The following PPID variants were observed in gnomAD, a reference collection of about 807,000 sequenced individuals.
PPID encodes the protein peptidyl-prolyl cis-trans isomerase D.
In PPID, 47 loss-of-function variants were observed where a neutral mutation model predicts 48.1. The ratio of observed to expected loss-of-function variants is 0.98; its 90% CI spans 0.77 to 1.25. PPID has a LOEUF of 1.25. Among genes scored for constraint, PPID ranks in the 50% most tolerant of loss-of-function variants. PPID has a pLI of 0.00. For missense variants in PPID, 429 were observed against 443.5 expected (o/e 0.97, Z 0.29); for synonymous variants, 163 against 148.8 (o/e 1.10, Z -0.69).
At chr4:158,710,063 C>G in intron 9 of PPID, 1 of 497,156 alleles carries the variant, frequency 2.0e-6, no homozygotes, top group Non-Finnish European at 3.5e-6. Flanking sequence ...CATTAGAGAA[C>G]AGTAATTGCT....
At chr4:158,721,519 A>C (rs775600222) in intron 1 of PPID, 36 bp from the exon 2 acceptor site, 5 of 1,596,550 alleles carry the variant, frequency 3.1e-6, no homozygotes, top group East Asian at 2.2e-5. Context: ...TATGCAAAAC[A>C]ACCAAATAGA....
At chr4:158,719,653 T>A (rs1478994789) in intron 2 of PPID, among the ~76,000 whole-genome samples, 1 of 152,218 alleles carries the variant, frequency 6.6e-6, no homozygotes, top group African/African-American at 2.4e-5. Context: ...TCTCCTTAAG[T>A]ACACCAACTG....
Position 158,713,233 on chromosome 4 carries a change from A to G in PPID, c.780T>C (p.Ile260=). ...LRYVDSSKAV[I]ETADRAKLQP... is the part of the protein sequence containing the mutation. ...GCAGCTTGGCTCTATCTGCTGTCTC[A>G]ATAACAGCCTTTGAACTGTCCACGT... The change falls in exon 7 of 10, where the codon ATT becomes ATC. Residue 260 remains isoleucine (I), a synonymous_variant. Transcript: ENST00000307720. 6.2e-7 allele frequency: 1 copy of G among 1,613,884 alleles called. No individual in the cohort carries two copies.
intron 3 of PPID, among the ~76,000 whole-genome samples, chr4:158,717,933 T>C (rs372572993): frequency 2.6e-5 from 4 of 152,236 alleles, no homozygotes; most frequent in Non-Finnish European, 5.9e-5. Context: ...TCTAAATGTA[T>C]TCCTTGTTGG....
In PPID at chr4:158,715,602, T is replaced by C. The variant is rs774351867; in HGVS notation, c.605A>G (p.His202Arg). Reference sequence around the variant, plus strand: ...ATCCGCATCCTCAGGGAAATCTGGATGACTGTCGCCAGAGCCATCTTTTGG... The same window carrying C: ...ATCCGCATCCTCAGGGAAATCTGGACGACTGTCGCCAGAGCCATCTTTTGG... ...IFPKDGSGDS[H>R]PDFPEDADID... Residue 202 changes from histidine to arginine, a missense_variant, in exon 5 of 10, where the codon CAT (histidine) becomes CGT (arginine). By Grantham distance (29) the His-to-Arg change is conservative. Coordinates refer to ENST00000307720, the MANE Select transcript of PPID (RefSeq NM_005038.3). 6.2e-7 allele frequency: 1 copy of C among 1,613,950 alleles called. No individual in the cohort carries two copies. The highest frequency in any genetic ancestry group is 2.2e-5 in the East Asian group (1 of 44,880).
intron 9 of PPID, chr4:158,710,077 C>G (rs905521224): frequency 2.1e-6 from 1 of 471,842 alleles, no homozygotes; most frequent in African/African-American, 2.0e-5. Context: ...AATTGCTTCC[C>G]TTGTTTCATT....
At chr4:158,719,325 G>A (rs1254390079) in intron 2 of PPID, 39 bp from the exon 3 acceptor site, 1 of 1,337,868 alleles carries the variant, frequency 7.5e-7, no homozygotes, top group Admixed American at 1.7e-5. Context: ...ACTGAGACAT[G>A]GATGCCTTTA....
intron 3 of PPID, 119 bp downstream of exon 3, chr4:158,719,061 T>C (rs1218456362): frequency 1.6e-6 from 1 of 623,500 alleles, no homozygotes; most frequent in Non-Finnish European, 2.7e-6. Context: ...GTGATTCCTA[T>C]TACAAGAAAT....
At chr4:158,715,034 A>C (rs1774847504) in intron 6 of PPID, among the ~76,000 whole-genome samples, 1 of 152,240 alleles carries the variant, frequency 6.6e-6, no homozygotes, top group Admixed American at 6.5e-5. Flanking sequence ...TCCTATCAAA[A>C]TAGTTCTGTA....
rs1036076025 is a variant in PPID at position 158,715,812 on chromosome 4, A to G, written c.523-128T>C. ...ATGTGAGAAGGCTCATTTATGTACTATAATGCTGTTTTTATACATTCCAAC... is the reference window on the plus strand; with the variant it reads ...ATGTGAGAAGGCTCATTTATGTACTGTAATGCTGTTTTTATACATTCCAAC... On this transcript the variant is annotated intron_variant, in intron 4 of 9. Coordinates refer to ENST00000307720, the MANE Select transcript of PPID (RefSeq NM_005038.3). The G allele has an allele frequency of 2.5e-5, 26 of 1,026,882 alleles. No individual in the cohort carries two copies. In the African/African-American group the frequency reaches 3.2e-4, roughly 13 times the overall value. 63.6% of individuals were successfully genotyped at this position (1,026,882 alleles called of 1,614,324 possible).
intron 7 of PPID, 150 bp from the exon 8 acceptor site, chr4:158,710,998 C>A (rs190503081): frequency 2.8e-6 from 2 of 702,988 alleles, no homozygotes; most frequent in East Asian, 5.4e-5. Flanking sequence ...TGCCAGTGGG[C>A]ACTAAGTTTT....
intron 2 of PPID, among the ~76,000 whole-genome samples, chr4:158,719,640 T>C (rs151154283): frequency 9.5e-4 from 145 of 152,344 alleles, no homozygotes; most frequent in African/African-American, 3.2e-3. Flanking sequence ...CTTCCAGCAA[T>C]GATCTCCTTA....
At chr4:158,710,968 A>C in intron 7 of PPID, 120 bp from the exon 8 acceptor site, 1 of 872,362 alleles carries the variant, frequency 1.1e-6, no homozygotes, top group South Asian at 1.6e-5. Context: ...TGGAGCTGAA[A>C]CATGCAAATA....
chr4:158,719,530 C>G (rs933594443), intron 2 of PPID, among the ~76,000 whole-genome samples: 1 of 152,156 alleles, frequency 6.6e-6, no homozygotes, highest in East Asian at 1.9e-4. Context: ...TGATACCTCC[C>G]CTATAAAACT....
chr4:158,715,153 AG>A (rs5863331), intron 6 of PPID, 143 bp downstream of exon 6: 624,621 of 625,476 alleles, frequency 1, 311,885 homozygotes, highest in Middle Eastern at 1. Context: ...AAACAAGCTG[AG>A]GGGAAAAAAA....
At chr4:158,721,069 G>C (rs1006387558) in intron 2 of PPID, among the ~76,000 whole-genome samples, 1 of 152,106 alleles carries the variant, frequency 6.6e-6, no homozygotes, top group Admixed American at 6.5e-5. Flanking sequence ...GGTTGACTAC[G>C]GCCTTCCTTT....
At position 158,713,153 on chromosome 4, in the gene PPID, G is replaced by A; in HGVS notation, c.860C>T (p.Ser287Leu). The A allele has an allele frequency of 6.2e-7, 1 of 1,614,010 alleles. No individual in the cohort carries two copies. The highest frequency in any genetic ancestry group is 8.5e-7 in the Non-Finnish European group (1 of 1,179,988). Reference protein sequence around the residue: ...LNIGACKLKMSNWQGAIDSCL... With the variant: ...LNIGACKLKMLNWQGAIDSCL... ...ACTGTCAATTGCTCCCTGCCAATTTGACATCTTCAGTTTACAAGCACCAAT... is the reference window on the plus strand; with the variant it reads ...ACTGTCAATTGCTCCCTGCCAATTTAACATCTTCAGTTTACAAGCACCAAT... Residue 287 changes from serine to leucine, a missense_variant, in exon 7 of 10, where the codon TCA becomes TTA. Transcript: ENST00000307720.
intron 2 of PPID, among the ~76,000 whole-genome samples, chr4:158,719,963 T>C (rs867907325): frequency 2.0e-5 from 3 of 152,228 alleles, no homozygotes; most frequent in South Asian, 2.1e-4. Context: ...CCTTATGCTT[T>C]CTCCGTCCCA....
At chr4:158,722,093 A>G (rs541634601) in intron 1 of PPID, among the ~76,000 whole-genome samples, 1 of 152,318 alleles carries the variant, frequency 6.6e-6, no homozygotes, top group South Asian at 2.1e-4. Flanking sequence ...AGTGAATCTT[A>G]TTTTATTCTA....
Sources: allele counts gnomAD v4.1 joint callset (sites outside exome capture counted in the v4.1 genomes callset), GRCh38; gene constraint gnomAD v4.1.1; transcripts MANE v1.5; gene names NCBI Gene and HGNC (gene_info 2026-07-23, HGNC 2026-07-21).